RANBP2: variants seen among roughly 807,000 people sequenced by gnomAD.
RANBP2 encodes the protein RAN binding protein 2.
A neutral mutation model predicts 303.6 loss-of-function variants in RANBP2; 57 were observed. The observed-to-expected ratio is 0.19, with a 90% CI of 0.15 to 0.23. The LOEUF (loss-of-function observed/expected upper bound fraction) is 0.23, where lower values mean the gene tolerates loss of function less well. Ranked by LOEUF, RANBP2 falls within the 10% of genes least tolerant of loss-of-function variation. The pLI is 1.00. For missense variants in RANBP2, 3,138 were observed against 3,780.8 expected (o/e 0.83, Z 4.46); for synonymous variants, 1,167 against 1,301.5 (o/e 0.90, Z 2.23).
the RANBP2 span, chr2:108,876,494 A>G: frequency 1.0e-5 from 3 of 290,134 alleles, no homozygotes. Context: ...ATGACACTGA[A>G]GTGACTTTTT....
At chr2:109,652,923 G>C in the RANBP2 span, among the ~76,000 whole-genome samples, 16 of 152,132 alleles carry the variant, frequency 1.1e-4, no homozygotes, top group Non-Finnish European at 2.1e-4. Context: ...ACCTGGTAAG[G>C]CTCCTGGGCT....
At chr2:109,328,095 A>G in the RANBP2 span, among the ~76,000 whole-genome samples, 1 of 152,230 alleles carries the variant, frequency 6.6e-6, no homozygotes, top group Non-Finnish European at 1.5e-5. Context: ...TCAATATTTC[A>G]GTATGTATTA....
the RANBP2 span, among the ~76,000 whole-genome samples, chr2:109,720,224 A>G: frequency 3.9e-5 from 6 of 152,012 alleles, no homozygotes; most frequent in African/African-American, 1.2e-4. Flanking sequence ...CCTTCTGATC[A>G]TTATATATAT....
At chr2:109,743,006 C>T in the RANBP2 span, among the ~76,000 whole-genome samples, 2 of 148,510 alleles carry the variant, frequency 1.3e-5, no homozygotes, top group Non-Finnish European at 3.0e-5. Context: ...CATGGTGGCT[C>T]ACACCTGTAA....
the RANBP2 span, chr2:109,544,609 A>G: frequency 1.0e-6 from 1 of 956,718 alleles, no homozygotes; most frequent in Non-Finnish European, 1.2e-6. Context: ...ATATAGGGGA[A>G]AAAATGGGAA....
chr2:109,457,207 AATT>A, the RANBP2 span, among the ~76,000 whole-genome samples: 1 of 152,150 alleles, frequency 6.6e-6, no homozygotes, highest in Admixed American at 6.5e-5. Context: ...AAGTATTAGA[AATT>A]ATTATTAAGA....
the RANBP2 span, among the ~76,000 whole-genome samples, chr2:109,168,138 A>G: frequency 6.6e-6 from 1 of 152,212 alleles, no homozygotes; most frequent in Non-Finnish European, 1.5e-5. Flanking sequence ...TGTTAGGCTT[A>G]AATTGTGTGC....
At chr2:109,490,695 G>A in the RANBP2 span, 18 of 1,531,368 alleles carry the variant, frequency 1.2e-5, no homozygotes, top group Admixed American at 1.6e-4. Flanking sequence ...TCCAACCCAC[G>A]ACCCCCAGGT....
At chr2:108,760,777 A>G (rs1278222120) in intron 18 of RANBP2, among the ~76,000 whole-genome samples, 3 of 152,174 alleles carry the variant, frequency 2.0e-5, no homozygotes, top group African/African-American at 4.8e-5. Flanking sequence ...AAGAGTTTGT[A>G]TATCAACATG....
chr2:109,389,489 G>T, the RANBP2 span, among the ~76,000 whole-genome samples: 1 of 152,150 alleles, frequency 6.6e-6, no homozygotes, highest in Non-Finnish European at 1.5e-5. Context: ...CCACATGGAC[G>T]CATGCCAATA....
At chr2:109,430,039 G>A in the RANBP2 span, among the ~76,000 whole-genome samples, 1 of 152,220 alleles carries the variant, frequency 6.6e-6, no homozygotes. Flanking sequence ...AGGAGCAGGA[G>A]GGAGAGGAGT....
the RANBP2 span, among the ~76,000 whole-genome samples, chr2:109,018,457 C>T: frequency 6.6e-6 from 1 of 152,202 alleles, no homozygotes; most frequent in Middle Eastern, 3.2e-3. Context: ...AAATAAGATC[C>T]TGTTATCCTT....
the RANBP2 span, among the ~76,000 whole-genome samples, chr2:109,406,844 T>C: frequency 1.3e-5 from 2 of 152,124 alleles, no homozygotes; most frequent in African/African-American, 4.8e-5. Context: ...CGCATTTCAG[T>C]GGTCGAAGCC....
At chr2:109,379,752 A>C in the RANBP2 span, among the ~76,000 whole-genome samples, 1 of 152,122 alleles carries the variant, frequency 6.6e-6, no homozygotes, top group African/African-American at 2.4e-5. Context: ...TGCCTCCAGG[A>C]ACACTTTGTA....
At chr2:109,400,511 C>T in the RANBP2 span, among the ~76,000 whole-genome samples, 2 of 152,178 alleles carry the variant, frequency 1.3e-5, no homozygotes, top group South Asian at 2.1e-4. Flanking sequence ...ACATACACCC[C>T]TCCAGGTGCA....
At chr2:108,993,450 T>A in the RANBP2 span, among the ~76,000 whole-genome samples, 1 of 152,132 alleles carries the variant, frequency 6.6e-6, no homozygotes, top group Non-Finnish European at 1.5e-5. Flanking sequence ...TTGAAAATGA[T>A]GGAAACTTGT....
chr2:108,829,690 G>T, the RANBP2 span, among the ~76,000 whole-genome samples: 107 of 152,322 alleles, frequency 7.0e-4, no homozygotes, highest in Non-Finnish European at 1.4e-3. Context: ...AGGTTGCAGT[G>T]AGCCAAGATC....
the RANBP2 span, among the ~76,000 whole-genome samples, chr2:109,425,574 G>C: frequency 6.6e-6 from 1 of 152,128 alleles, no homozygotes; most frequent in Non-Finnish European, 1.5e-5. Flanking sequence ...GGGCTCTTAA[G>C]AATTATGCTA....
At chr2:109,472,076 C>T in the RANBP2 span, among the ~76,000 whole-genome samples, 1 of 152,198 alleles carries the variant, frequency 6.6e-6, no homozygotes, top group Non-Finnish European at 1.5e-5. Context: ...TTTCAAATTC[C>T]CATCCTTTTC....
Sources: gnomAD v4.1 joint callset for allele counts (sites outside exome capture counted in the v4.1 genomes callset) on GRCh38, gnomAD v4.1.1 for gene constraint, MANE v1.5 for transcripts, NCBI Gene and HGNC (gene_info 2026-07-23, HGNC 2026-07-21) for gene names.